The following TBL3 variants were observed in gnomAD, a reference collection of about 807,000 sequenced individuals.
TBL3 encodes transducin beta like 3.
In TBL3, 71 loss-of-function variants were observed where a neutral mutation model predicts 102.7. The ratio of observed to expected loss-of-function variants is 0.69; its 90% CI spans 0.57 to 0.84. TBL3 has a LOEUF of 0.84. Ranked by LOEUF, TBL3 falls within the 40% of genes least tolerant of loss-of-function variation. The probability of loss-of-function intolerance (pLI) is 0.00; values close to 1 mark genes in which losing one functional copy is unlikely to be tolerated. For missense variants in TBL3, 1,188 were observed against 1,098.5 expected, an observed-to-expected ratio of 1.08 and a Z score of -1.15; for synonymous variants, 578 against 477.7, an observed-to-expected ratio of 1.21 and a Z score of -2.74.
Position 1,974,435 on chromosome 16 carries a change from G to A in TBL3, c.237+12G>A, listed in dbSNP as rs370384402. Reference sequence around the variant, plus strand: ...GCCCTGACAACGAGGTATGTGGGGCGGGGCCTGGAGGGGACCCGCTCCAGC... The same window carrying A: ...GCCCTGACAACGAGGTATGTGGGGCAGGGCCTGGAGGGGACCCGCTCCAGC... On this transcript the variant is annotated intron_variant, in intron 4 of 21. Transcript: ENST00000568546. 5 of 1,601,846 alleles carry A rather than the reference G, an allele frequency of 3.1e-6. No individual in the cohort carries two copies. Among genetic ancestry groups the A allele is most frequent in the South Asian group, 2.2e-5 (2 of 89,560 alleles).
At position 1,979,585 on chromosome 16, in the gene TBL3, G is replaced by A; in HGVS notation, c.*900G>A. 3 of 1,505,118 alleles carry A rather than the reference G, an allele frequency of 2.0e-6. No homozygotes were observed. The highest frequency in any genetic ancestry group is 4.5e-5 in the East Asian group (2 of 44,092). 93.2% of individuals were successfully genotyped at this position (1,505,118 alleles called of 1,614,324 possible). A position where few individuals can be genotyped will look rare whatever the true frequency, so the allele number is the denominator to read the frequency against. On this transcript the variant is annotated 3_prime_UTR_variant, in exon 22 of 22. Coordinates refer to ENST00000568546, the MANE Select transcript of TBL3 (RefSeq NM_006453.3). ...TTGGAGTCACCGCGGGGCCACAGAG[G>A]ACGAGGCCCGCCCGCACCCTTCTCC...
rs1383478535 is a variant in TBL3, at chr16:1,974,179, A to T, written c.94-18A>T. 10 of 1,566,512 alleles carry T rather than the reference A, an allele frequency of 6.4e-6. No individual in the cohort carries two copies. Among genetic ancestry groups the T allele is most frequent in the Non-Finnish European group, 7.8e-6 (9 of 1,152,298 alleles). ...GGGGGTGCTGAATGTTGCCTGGCTG[A>T]GACCTCTCTGTCCCCAGCTGGACCA... On this transcript the variant is annotated intron_variant, in intron 2 of 21. Transcript: ENST00000568546.
chr16:1,979,466 C>G lies in TBL3; in HGVS notation c.*781C>G, dbSNP rs764145797. 1.2e-6 allele frequency: 2 copies of G among 1,611,636 alleles called. No homozygotes were observed. Among genetic ancestry groups the G allele is most frequent in the South Asian group, 1.1e-5 (1 of 90,954 alleles). ...CGCGGTCTGACGTTTCCAACACGCG[C>G]ACGCGCGCCCCCGCGGGCACGGACA... On this transcript the variant is annotated 3_prime_UTR_variant, in exon 22 of 22. Coordinates refer to ENST00000568546, the MANE Select transcript of TBL3 (RefSeq NM_006453.3).
chr16:1,973,190 C>G (rs62038785), intron 1 of TBL3, among the ~76,000 whole-genome samples: 1 of 151,986 alleles, frequency 6.6e-6, no homozygotes, highest in Non-Finnish European at 1.5e-5. Flanking sequence ...GCCTGTAATC[C>G]CAGCGCTTTT....
rs190036994 is a variant in TBL3 at position 1,977,434 on chromosome 16, G to C, written c.1742+8G>C. 9,184 of 1,612,548 alleles carry C rather than the reference G, an allele frequency of 5.7e-3. 59 individuals carry two copies. Among genetic ancestry groups the C allele is most frequent in the Non-Finnish European group, 5.4e-3 (6,384 of 1,179,920 alleles). On this transcript the variant is annotated splice_region_variant and intron_variant, in intron 16 of 21. Transcript: ENST00000568546. ...CACGCAGCTGCTGTCCAGGTGAGTG[G>C]GCTGGGGTGGGGCAGCGATGGAGTG...
rs764469673 is a variant in TBL3 at position 1,974,565 on chromosome 16, C to G, written c.265C>G (p.Leu89Val). The change falls in exon 5 of 22, where the codon CTG (leucine) becomes GTG (valine). Residue 89 changes from leucine (L) to valine (V), a missense_variant. Leu to Val is a conservative substitution (Grantham distance 32). Transcript: ENST00000568546. ...EVLVTASRALLLAQWAWQEGS... is the reference protein window; with the variant it reads ...EVLVTASRALVLAQWAWQEGS... The stretch of plus-strand genomic sequence containing the variant: ...GCTGGTGACAGCCAGTCGGGCATTG[C>G]TGCTGGCTCAGTGGGCCTGGCAAGA... 33 of 1,610,092 alleles carry G rather than the reference C, an allele frequency of 2.0e-5. No individual in the cohort carries two copies. The highest frequency in any genetic ancestry group is 2.7e-5 in the Non-Finnish European group (32 of 1,177,650).
Position 1,980,434 on chromosome 16 carries a change from T to A in TBL3, c.*1749T>A. On this transcript the variant is annotated 3_prime_UTR_variant, in exon 22 of 22. Coordinates refer to ENST00000568546, the MANE Select transcript of TBL3 (RefSeq NM_006453.3). ...GCGAAGAAGCCAGTGATCGTCGGGC[T>A]CCGTGCCACGCGCTCTGCAGTCGCC... 6.2e-7 allele frequency: 1 copy of A among 1,602,352 alleles called. No individual in the cohort carries two copies. The highest frequency in any genetic ancestry group is 8.5e-7 in the Non-Finnish European group (1 of 1,179,864).
In TBL3 at chr16:1,980,613, C is replaced by A; in HGVS notation, c.*1928C>A. The stretch of plus-strand genomic sequence containing the variant: ...TTCACTGGTCCCTGGCGCCCCCAGG[C>A]AAGCCACCGCCTTCCCCGCTCCCGT... On this transcript the variant is annotated 3_prime_UTR_variant, in exon 22 of 22. Transcript: ENST00000568546. 1 of 1,590,998 alleles carries A rather than the reference C, an allele frequency of 6.3e-7. No individual in the cohort carries two copies. The highest frequency in any genetic ancestry group is 2.3e-5 in the East Asian group (1 of 44,076).
rs756897051 is a variant in TBL3 at position 1,974,420 on chromosome 16, C to T, written c.234C>T (p.Asn78=). ...CTGCCTTTGACCTCAGCCCTGACAA[C>T]GAGGTATGTGGGGCGGGGCCTGGAG... ...DITAFDLSPD[N]EVLVTASRAL... Residue 78 remains asparagine (N), a synonymous_variant, in exon 4 of 22, where the codon AAC becomes AAT. Transcript: ENST00000568546. 3.1e-5 allele frequency: 50 copies of T among 1,609,348 alleles called. No individual in the cohort carries two copies. The Admixed American group carries it at 3.2e-4, about 10-fold the overall frequency.
At position 1,978,452 on chromosome 16, in the gene TBL3, GGCCCTGCT is replaced by G; in HGVS notation, c.2280_2287del (p.Leu761HisfsTer2). 6.2e-7 allele frequency: 1 copy of G among 1,607,706 alleles called. No homozygotes were observed. The highest frequency in any genetic ancestry group is 8.5e-7 in the Non-Finnish European group (1 of 1,177,478). Reference sequence around the variant, plus strand: ...ACGAAGGCGTGCGGGCAGCGCTTGAGGCCCTGCTGCCCTACACTGGTATGTGGGCACAG... The same window carrying G: ...ACGAAGGCGTGCGGGCAGCGCTTGAGGCCCTACACTGGTATGTGGGCACAG... On this transcript the variant is annotated frameshift_variant, in exon 21 of 22. Coordinates refer to ENST00000568546, the MANE Select transcript of TBL3 (RefSeq NM_006453.3). LOFTEE classifies it low-confidence loss of function (END_TRUNC).
In TBL3 at chr16:1,974,554, G is replaced by T. The variant is rs772725958; in HGVS notation, c.254G>T (p.Ser85Ile). The change falls in exon 5 of 22, where the codon AGT (serine) becomes ATT (isoleucine). Residue 85 changes from serine to isoleucine, a missense_variant. Transcript: ENST00000568546. ...CTCCCCCAGGTGCTGGTGACAGCCA[G>T]TCGGGCATTGCTGCTGGCTCAGTGG... ...SPDNEVLVTA[S>I]RALLLAQWAW... is the part of the protein sequence containing the mutation. 2 of 1,608,350 alleles carry T rather than the reference G, an allele frequency of 1.2e-6. No individual in the cohort carries two copies. Among genetic ancestry groups the T allele is most frequent in the South Asian group, 1.1e-5 (1 of 90,702 alleles).
Position 1,976,220 on chromosome 16 carries a change from G to A in TBL3, c.1198G>A (p.Val400Ile), listed in dbSNP as rs371870760. 66 of 1,614,186 alleles carry A rather than the reference G, an allele frequency of 4.1e-5. No homozygotes were observed. Among genetic ancestry groups the A allele is most frequent in the Middle Eastern group, 3.3e-4 (2 of 6,062 alleles). ...LFASCAKDQS[V>I]RIWRMNKAGQ... ...AACTCCCTGTCCCCAGGATCAGAGC[G>A]TCCGTATCTGGAGAATGAACAAGGC... Residue 400 changes from valine (V) to isoleucine (I), a missense_variant, in exon 13 of 22, where the codon GTC becomes ATC. Physicochemically the swap from Val to Ile is conservative, Grantham distance 29 (BLOSUM62 3). Coordinates refer to ENST00000568546, the MANE Select transcript of TBL3 (RefSeq NM_006453.3).
At chr16:1,973,428 C>T (rs564018353) in intron 1 of TBL3, among the ~76,000 whole-genome samples, 2 of 152,060 alleles carry the variant, frequency 1.3e-5, no homozygotes, top group East Asian at 1.9e-4. Context: ...CTTCTCAGAT[C>T]GAGACCCCTT....
rs2083518776 is a variant in TBL3 at position 1,982,184 on chromosome 16, GCATCC to G, written c.*3501_*3505del. On this transcript the variant is annotated 3_prime_UTR_variant, in exon 22 of 22. Coordinates refer to ENST00000568546, the MANE Select transcript of TBL3 (RefSeq NM_006453.3). ...CTTCAGGGAGCAGTCAGCCTCTAAG[GCATCC>G]CTCCAGGAAGCTGCCCTGGCTGCAA... 2 of 152,206 alleles carry G rather than the reference GCATCC, an allele frequency of 1.3e-5. No individual in the cohort carries two copies. The highest frequency in any genetic ancestry group is 2.9e-5 in the Non-Finnish European group (2 of 68,074). 9.4% of individuals were successfully genotyped at this position (152,206 alleles called of 1,614,324 possible). A position where few individuals can be genotyped will look rare whatever the true frequency, so the allele number is the denominator to read the frequency against.
chr16:1,975,732 G>A lies in TBL3; in HGVS notation c.987+22G>A, dbSNP rs764480681. On this transcript the variant is annotated intron_variant, in intron 10 of 21. Coordinates refer to ENST00000568546, the MANE Select transcript of TBL3 (RefSeq NM_006453.3). ...ACAGGTGCACACCTGCCCTTGCTCA[G>A]TCTGGAGGCTGCGGGCACCAGCCCT... 8.7e-6 allele frequency: 14 copies of A among 1,612,768 alleles called. No individual in the cohort carries two copies. In the Middle Eastern group the frequency reaches 1.2e-3, roughly 133 times the overall value.
In TBL3 at chr16:1,974,757, C is replaced by A. The variant is rs764327838; in HGVS notation, c.380-6C>A. On this transcript the variant is annotated splice_region_variant and splice_polypyrimidine_tract_variant and intron_variant, in intron 5 of 21. Transcript: ENST00000568546. Reference sequence around the variant, plus strand: ...CATTCCACCCCCTCACCTTGCTTCCCCGCAGGTGGCTGTGATGGGGCCGTG... The same window carrying A: ...CATTCCACCCCCTCACCTTGCTTCCACGCAGGTGGCTGTGATGGGGCCGTG... The A allele has an allele frequency of 6.2e-6, 10 of 1,612,404 alleles. No homozygotes were observed. The East Asian group carries it at 1.8e-4, about 29-fold the overall frequency.
rs12925447 is a variant in TBL3 at position 1,975,410 on chromosome 16, G to C, written c.777G>C (p.Gly259=). 135,321 of 1,613,874 alleles carry C rather than the reference G, an allele frequency of 0.084. 6,377 individuals carry two copies. The highest frequency in any genetic ancestry group is 0.091 in the Non-Finnish European group (107,738 of 1,179,978). The stretch of plus-strand genomic sequence containing the variant: ...CCCAGCTGGGTGTGAAGTCCCCAGG[G>C]CTGTACTTTCTGACAGCTGGCGACC... The part of the protein sequence containing the change: ...PVSQLGVKSP[G]LYFLTAGDQG... The change falls in exon 9 of 22, where the codon GGG becomes GGC. Residue 259 remains glycine (G), a synonymous_variant. Transcript: ENST00000568546.
In TBL3 at chr16:1,979,726, TG is replaced by T; in HGVS notation, c.*1043del. The T allele has an allele frequency of 7.5e-7, 1 of 1,338,476 alleles. No individual in the cohort carries two copies. Among genetic ancestry groups the T allele is most frequent in the Non-Finnish European group, 1.0e-6 (1 of 991,460 alleles). 82.9% of individuals were successfully genotyped at this position (1,338,476 alleles called of 1,614,324 possible). A position where few individuals can be genotyped will look rare whatever the true frequency, so the allele number is the denominator to read the frequency against. Reference sequence around the variant, plus strand: ...TGGCCCGCCCTGCCCGCGGTGCTTCTGGCCCAGTCTTGCCACACGGTCAAGC... The same window carrying T: ...TGGCCCGCCCTGCCCGCGGTGCTTCTGCCCAGTCTTGCCACACGGTCAAGC... On this transcript the variant is annotated 3_prime_UTR_variant, in exon 22 of 22. Transcript: ENST00000568546.
At chr16:1,972,350 G>A (rs1419316557) in intron 1 of TBL3, 145 bp downstream of exon 1, 2 of 937,444 alleles carry the variant, frequency 2.1e-6, no homozygotes, top group African/African-American at 1.7e-5. Context: ...CGGAGGCTGC[G>A]GTGATACTAG....
Sources: gnomAD v4.1 joint callset for allele counts (sites outside exome capture counted in the v4.1 genomes callset) on GRCh38, gnomAD v4.1.1 for gene constraint, MANE v1.5 for transcripts, NCBI Gene and HGNC (gene_info 2026-07-23, HGNC 2026-07-21) for gene names.